The following THSD4 variants were observed in gnomAD, a reference collection of about 807,000 sequenced individuals.
THSD4 encodes thrombospondin type-1 domain-containing protein 4.
Under a neutral mutation model 119.0 loss-of-function variants are expected in THSD4, and 69 were observed. That is an observed-to-expected ratio of 0.58 (90% CI 0.48 to 0.71). THSD4 has a LOEUF of 0.71. THSD4 is among the 30% of genes least tolerant of loss of function. The pLI is 0.00. For missense variants in THSD4, 1,393 were observed against 1,391.1 expected (o/e 1.00, Z -0.02); for synonymous variants, 524 against 540.4 (o/e 0.97, Z 0.42).
intron 6 of THSD4, among the ~76,000 whole-genome samples, chr15:71,291,066 TC>T (rs1259805677): frequency 1.3e-5 from 2 of 152,124 alleles, no homozygotes; most frequent in Non-Finnish European, 2.9e-5. Flanking sequence ...GGATATTCCT[TC>T]TTGACTTCTT....
chr15:71,221,037 C>T (rs547462233), intron 4 of THSD4, among the ~76,000 whole-genome samples: 1 of 152,202 alleles, frequency 6.6e-6, no homozygotes, highest in South Asian at 2.1e-4. Flanking sequence ...GCTGTGTCCC[C>T]GTGATGGCTA....
intron 7 of THSD4, among the ~76,000 whole-genome samples, chr15:71,628,282 A>G (rs1271129437): frequency 1.3e-5 from 2 of 152,214 alleles, no homozygotes; most frequent in Non-Finnish European, 2.9e-5. Context: ...GGGGTAAAAA[A>G]GGAAAGGCTG....
chr15:71,322,691 G>C (rs2140362248), intron 6 of THSD4, among the ~76,000 whole-genome samples: 1 of 152,286 alleles, frequency 6.6e-6, no homozygotes, highest in East Asian at 1.9e-4. Flanking sequence ...CTCACTCCCT[G>C]GTGCTGGCTG....
chr15:71,381,274 G>T (rs4777379), intron 6 of THSD4, among the ~76,000 whole-genome samples: 74,068 of 151,980 alleles, frequency 0.49, 18,925 homozygotes, highest in East Asian at 0.69. Flanking sequence ...TCCAATTCAG[G>T]TACTTAGCAC....
At chr15:71,386,346 G>C (rs765824130) in intron 6 of THSD4, among the ~76,000 whole-genome samples, 2 of 152,126 alleles carry the variant, frequency 1.3e-5, no homozygotes, top group Non-Finnish European at 2.9e-5. Flanking sequence ...TCCAGATTCA[G>C]CCAAGGGTTC....
intron 3 of THSD4, chr15:71,183,071 G>A (rs1055549102): frequency 1.3e-5 from 2 of 151,884 alleles, no homozygotes; most frequent in Admixed American, 6.6e-5. Flanking sequence ...CGGAGACTGG[G>A]TAATTTATAA....
chr15:71,106,990 T>C (rs1482033651), intron 1 of THSD4, among the ~76,000 whole-genome samples: 1 of 152,188 alleles, frequency 6.6e-6, no homozygotes, highest in Non-Finnish European at 1.5e-5. Context: ...TTGGTGAACT[T>C]GAGTCATGAT....
intron 7 of THSD4, among the ~76,000 whole-genome samples, chr15:71,575,079 G>A (rs2049424775): frequency 6.7e-6 from 1 of 149,828 alleles, no homozygotes; most frequent in Non-Finnish European, 1.5e-5. Flanking sequence ...GCTTGTTGCT[G>A]AGGGCATTGT....
chr15:71,623,775 T>C (rs1304707422), intron 7 of THSD4, among the ~76,000 whole-genome samples: 1 of 151,782 alleles, frequency 6.6e-6, no homozygotes, highest in Non-Finnish European at 1.5e-5. Context: ...ATACAAAAAT[T>C]AGCCAGGCAT....
intron 7 of THSD4, among the ~76,000 whole-genome samples, chr15:71,637,115 G>A (rs1038738467): frequency 1.3e-5 from 2 of 152,042 alleles, no homozygotes; most frequent in Admixed American, 1.3e-4. Context: ...TTGAACTCCT[G>A]ACCTCAAGTG....
At chr15:71,441,623 G>A (rs2047093504) in intron 7 of THSD4, among the ~76,000 whole-genome samples, 1 of 151,856 alleles carries the variant, frequency 6.6e-6, no homozygotes, top group Non-Finnish European at 1.5e-5. Flanking sequence ...TCGAACTGCT[G>A]ACCTCGTAAT....
intron 7 of THSD4, among the ~76,000 whole-genome samples, chr15:71,482,656 G>A (rs992427998): frequency 6.6e-6 from 1 of 151,548 alleles, no homozygotes; most frequent in Non-Finnish European, 1.5e-5. Context: ...CTCGATCTTG[G>A]CTCACTGCAA....
rs146283961 is a variant in THSD4 at position 71,437,675 on chromosome 15, A to G, written c.1152+25852A>G. ...TTTCTGAGCCCCAGCACTGCAGTTAATATACTGGTACATGGGTCCCTTTAC... is the reference window on the plus strand; with the variant it reads ...TTTCTGAGCCCCAGCACTGCAGTTAGTATACTGGTACATGGGTCCCTTTAC... On this transcript the variant is annotated intron_variant, in intron 7 of 17. Transcript: ENST00000261862. Among the ~76,000 whole-genome samples the G allele has an allele frequency of 2.6e-5, 4 of 152,298 alleles. No individual in the cohort carries two copies. The East Asian group carries it at 7.7e-4, about 29-fold the overall frequency.
chr15:71,411,957 G>T (rs546899602), intron 7 of THSD4, 134 bp downstream of exon 7: 13 of 1,220,232 alleles, frequency 1.1e-5, no homozygotes, highest in Non-Finnish European at 1.5e-5. Context: ...TGCGCTCTGG[G>T]AGGAGTGGGC....
At chr15:71,267,635 G>A (rs183722513) in intron 6 of THSD4, among the ~76,000 whole-genome samples, 1 of 152,162 alleles carries the variant, frequency 6.6e-6, no homozygotes, top group East Asian at 1.9e-4. Flanking sequence ...ATGTAAATGG[G>A]CTAAATGCCC....
intron 7 of THSD4, among the ~76,000 whole-genome samples, chr15:71,583,486 C>G (rs2049598928): frequency 6.6e-6 from 1 of 150,976 alleles, no homozygotes; most frequent in Non-Finnish European, 1.5e-5. Flanking sequence ...CTTTGAGGAG[C>G]TAAAGTTTCT....
intron 10 of THSD4, among the ~76,000 whole-genome samples, chr15:71,737,127 A>G (rs1290884481): frequency 6.6e-6 from 1 of 152,246 alleles, no homozygotes; most frequent in East Asian, 1.9e-4. Flanking sequence ...TCTGTTTGCT[A>G]TTTCAAATAA....
At chr15:71,243,761 G>T (rs1047731207) in intron 5 of THSD4, among the ~76,000 whole-genome samples, 1 of 149,372 alleles carries the variant, frequency 6.7e-6, no homozygotes, top group African/African-American at 2.5e-5. Flanking sequence ...AAACTCATAA[G>T]CCAGGCCTTG....
chr15:71,452,719 G>A (rs12324910), intron 7 of THSD4, among the ~76,000 whole-genome samples: 1 of 152,066 alleles, frequency 6.6e-6, no homozygotes, highest in Non-Finnish European at 1.5e-5. Context: ...GGGTTCAAGT[G>A]ATTCTCATGC....
Sources: allele counts gnomAD v4.1 joint callset (sites outside exome capture counted in the v4.1 genomes callset), GRCh38; gene constraint gnomAD v4.1.1; transcripts MANE v1.5; gene names NCBI Gene and HGNC (gene_info 2026-07-23, HGNC 2026-07-21).